The following C8orf34 variants were observed in gnomAD, a reference collection of about 807,000 sequenced individuals.
C8orf34 encodes the protein uncharacterized protein C8orf34.
In C8orf34, 65 loss-of-function variants were observed where a neutral mutation model predicts 68.3. The observed-to-expected ratio is 0.95, with a 90% CI of 0.78 to 1.17. The LOEUF (loss-of-function observed/expected upper bound fraction) is 1.17, where lower values mean the gene tolerates loss of function less well. C8orf34 is among the 50% of genes most tolerant of loss of function. C8orf34 has a pLI of 0.00. For missense variants in C8orf34, 664 were observed against 655.4 expected, an observed-to-expected ratio of 1.01 and a Z score of -0.14; for synonymous variants, 244 against 241.2, an observed-to-expected ratio of 1.01 and a Z score of -0.11.
chr8:68,608,750 T>C (rs1056779347), intron 7 of C8orf34, among the ~76,000 whole-genome samples: 4 of 151,786 alleles, frequency 2.6e-5, no homozygotes, highest in African/African-American at 9.7e-5. Flanking sequence ...ATAGGTCTGA[T>C]GGGGGGGATG....
At chr8:68,669,865 G>T (rs935323880) in intron 8 of C8orf34, among the ~76,000 whole-genome samples, 1 of 152,128 alleles carries the variant, frequency 6.6e-6, no homozygotes, top group Non-Finnish European at 1.5e-5. Context: ...GGCCCCCTTT[G>T]TCTAACTCTG....
intron 8 of C8orf34, among the ~76,000 whole-genome samples, chr8:68,703,161 C>A (rs1821067988): frequency 6.6e-6 from 1 of 152,096 alleles, no homozygotes; most frequent in African/African-American, 2.4e-5. Flanking sequence ...ATTGATCACG[C>A]ACATGTACTA....
chr8:68,801,128 G>T (rs554135714), intron 12 of C8orf34, among the ~76,000 whole-genome samples: 1 of 152,272 alleles, frequency 6.6e-6, no homozygotes. Context: ...TAAGGCTGGG[G>T]TTTCAAAAGG....
intron 7 of C8orf34, among the ~76,000 whole-genome samples, chr8:68,536,060 A>ATGGAATGACAAGTTACAATGG (rs1202414999): frequency 6.6e-6 from 1 of 152,096 alleles, no homozygotes; most frequent in Non-Finnish European, 1.5e-5. Flanking sequence ...ATTTTCAAAA[A>ATGGAATGACAAGTTACAATGG]TGGAATGACA....
At chr8:68,701,558 G>T (rs945325618) in intron 8 of C8orf34, among the ~76,000 whole-genome samples, 7 of 151,768 alleles carry the variant, frequency 4.6e-5, no homozygotes, top group African/African-American at 1.5e-4. Flanking sequence ...AATTAAGCCA[G>T]TCCATTTCTG....
At chr8:68,544,081 G>C (rs73683555) in intron 7 of C8orf34, among the ~76,000 whole-genome samples, 7,062 of 152,198 alleles carry the variant, frequency 0.046, 553 homozygotes, top group African/African-American at 0.16. Context: ...TTGCTGAGGT[G>C]ACTGGTGTTT....
At chr8:68,389,332 T>C (rs1370394678) in intron 1 of C8orf34, among the ~76,000 whole-genome samples, 1 of 152,168 alleles carries the variant, frequency 6.6e-6, no homozygotes, top group Non-Finnish European at 1.5e-5. Context: ...ATGAGAATAA[T>C]ACTTGCATAG....
In C8orf34 at chr8:68,452,986, T is replaced by C. The variant is rs182030776; in HGVS notation, c.607+6526T>C. 2.6e-5 allele frequency among the ~76,000 whole-genome samples: 4 copies of C among 152,080 alleles called. No homozygotes were observed. The East Asian group carries it at 7.7e-4, about 29-fold the overall frequency. On this transcript the variant is annotated intron_variant, in intron 3 of 13. Transcript: ENST00000518698. ...CCAACTCCATTTTTTGCCATGTGGA[T>C]AATCAGTTGTCTCAGTACCAATTTT...
chr8:68,666,019 A>C (rs1198991591), intron 8 of C8orf34, among the ~76,000 whole-genome samples: 2 of 152,218 alleles, frequency 1.3e-5, no homozygotes, highest in Non-Finnish European at 2.9e-5. Flanking sequence ...AAAAATTTAA[A>C]AATTAGGAAT....
At chr8:68,539,577 C>G (rs1301547928) in intron 7 of C8orf34, among the ~76,000 whole-genome samples, 1 of 152,086 alleles carries the variant, frequency 6.6e-6, no homozygotes, top group Non-Finnish European at 1.5e-5. Flanking sequence ...GTTGGCCAAG[C>G]ACGGTGGCTC....
At chr8:68,440,576 T>C (rs542705170) in intron 2 of C8orf34, among the ~76,000 whole-genome samples, 2 of 152,268 alleles carry the variant, frequency 1.3e-5, no homozygotes, top group East Asian at 3.9e-4. Context: ...TATGAACTTT[T>C]GGCACAAAAA....
At chr8:68,509,636 G>C (rs1814175335) in intron 5 of C8orf34, among the ~76,000 whole-genome samples, 1 of 152,110 alleles carries the variant, frequency 6.6e-6, no homozygotes, top group African/African-American at 2.4e-5. Flanking sequence ...TTTTAAAGGA[G>C]TCCCAGGGAT....
intron 1 of C8orf34, among the ~76,000 whole-genome samples, chr8:68,362,561 G>A (rs944976406): frequency 6.6e-6 from 1 of 152,188 alleles, no homozygotes; most frequent in African/African-American, 2.4e-5. Context: ...TCTGAGAACG[G>A]GCAGACTGCC....
chr8:68,361,794 T>A lies in C8orf34; in HGVS notation c.327+30455T>A, dbSNP rs187536681. Among the ~76,000 whole-genome samples the A allele has an allele frequency of 1.2e-3, 179 of 152,060 alleles. 1 individual carries two copies. Among genetic ancestry groups the A allele is most frequent in the African/African-American group, 3.9e-3 (161 of 41,558 alleles). On this transcript the variant is annotated intron_variant, in intron 1 of 13. Coordinates refer to ENST00000518698, the MANE Select transcript of C8orf34 (RefSeq NM_052958.4). ...TTTAACTGAGTACTTGTTGGGTGAATAAAGGCATACAAAATAGCATGGTCT... is the reference window on the plus strand; with the variant it reads ...TTTAACTGAGTACTTGTTGGGTGAAAAAAGGCATACAAAATAGCATGGTCT...
intron 10 of C8orf34, among the ~76,000 whole-genome samples, chr8:68,735,853 T>G (rs1822107983): frequency 6.6e-6 from 1 of 152,116 alleles, no homozygotes; most frequent in Non-Finnish European, 1.5e-5. Context: ...AACACCAAAT[T>G]TCCTCTTTCC....
intron 7 of C8orf34, among the ~76,000 whole-genome samples, chr8:68,540,893 T>G (rs991041140): frequency 6.6e-6 from 1 of 152,078 alleles, no homozygotes; most frequent in African/African-American, 2.4e-5. Flanking sequence ...ATTAATATGG[T>G]AAAACAAAGT....
chr8:68,404,985 C>A (rs1271128329), intron 1 of C8orf34, among the ~76,000 whole-genome samples: 1 of 152,082 alleles, frequency 6.6e-6, no homozygotes, highest in East Asian at 1.9e-4. Flanking sequence ...AATATAGATT[C>A]TTCCTATCCA....
intron 8 of C8orf34, among the ~76,000 whole-genome samples, chr8:68,657,550 G>T (rs1819543160): frequency 6.6e-6 from 1 of 152,144 alleles, no homozygotes; most frequent in African/African-American, 2.4e-5. Context: ...CCAGTCTAAG[G>T]TATTTTGTTA....
At chr8:68,601,971 G>C (rs1357197659) in intron 7 of C8orf34, among the ~76,000 whole-genome samples, 2 of 152,100 alleles carry the variant, frequency 1.3e-5, no homozygotes, top group Non-Finnish European at 2.9e-5. Flanking sequence ...CTCTCACACG[G>C]CCTCACGGAT....
Sources: allele counts gnomAD v4.1 joint callset (sites outside exome capture counted in the v4.1 genomes callset), GRCh38; gene constraint gnomAD v4.1.1; transcripts MANE v1.5; gene names NCBI Gene and HGNC (gene_info 2026-07-23, HGNC 2026-07-21).